The following WASF1 variants were observed in gnomAD, a reference collection of about 807,000 sequenced individuals.
WASF1 encodes WASP family member 1, also known as actin-binding protein WASF1.
A neutral mutation model predicts 50.5 loss-of-function variants in WASF1; 7 were observed. That is an observed-to-expected ratio of 0.14 (90% CI 0.08 to 0.26). The LOEUF is 0.26. Among genes scored for constraint, WASF1 ranks in the 10% least tolerant of loss-of-function variants. The pLI is 1.00. For synonymous variants in WASF1, 205 were observed against 244.0 expected, an observed-to-expected ratio of 0.84 and a Z score of 1.49; for missense variants, 470 against 694.7, an observed-to-expected ratio of 0.68 and a Z score of 3.64.
intron 5 of WASF1, among the ~76,000 whole-genome samples, chr6:110,111,384 A>C (rs1206246522): frequency 6.6e-6 from 1 of 152,166 alleles, no homozygotes; most frequent in Non-Finnish European, 1.5e-5. Context: ...AAGACAACCT[A>C]AAGAAGGGGA....
intron 3 of WASF1, among the ~76,000 whole-genome samples, chr6:110,145,325 G>C (rs1426138846): frequency 3.9e-5 from 6 of 152,192 alleles, no homozygotes; most frequent in Non-Finnish European, 8.8e-5. Flanking sequence ...CTGAGAATTT[G>C]CTGAAGTTGC....
Position 110,100,331 on chromosome 6 carries a change from A to G in WASF1, c.*191T>C. The G allele has an allele frequency of 1.8e-6, 1 of 543,778 alleles. No individual in the cohort carries two copies. Among genetic ancestry groups the G allele is most frequent in the Non-Finnish European group, 3.0e-6 (1 of 328,624 alleles). The allele number at this position is 543,778 out of a possible 1,614,324, so 33.7% of individuals were successfully genotyped here. A position where few individuals can be genotyped will look rare whatever the true frequency, so the allele number is the denominator to read the frequency against. On this transcript the variant is annotated 3_prime_UTR_variant, in exon 11 of 11. Coordinates refer to ENST00000392589, the MANE Select transcript of WASF1 (RefSeq NM_003931.3). ...GTCTTTTCAGGGGGAAAAAAAAGATAAGCCACTGTAAAACATTTAGTTTGA... is the reference window on the plus strand; with the variant it reads ...GTCTTTTCAGGGGGAAAAAAAAGATGAGCCACTGTAAAACATTTAGTTTGA...
chr6:110,149,834 G>A (rs1464174099), intron 3 of WASF1, among the ~76,000 whole-genome samples: 1 of 152,096 alleles, frequency 6.6e-6, no homozygotes, highest in Non-Finnish European at 1.5e-5. Context: ...TACCCAGTAT[G>A]TAGTCTTTTA....
Position 110,100,627 on chromosome 6 carries a change from T to C in WASF1, c.1575A>G (p.Glu525=). The change falls in exon 11 of 11, where the codon GAA becomes GAG. Residue 525 remains glutamate (E), a synonymous_variant. Transcript: ENST00000392589. ...TGGTGGCAACATCGTTTTCAATGCG[T>C]TCATGCTTAGCTTCCTGTTCACGCT... ...EEQREQEAKH[E]RIENDVATIL... is the part of the protein sequence containing the mutation. The C allele has an allele frequency of 6.2e-7, 1 of 1,613,624 alleles. No homozygotes were observed. Among genetic ancestry groups the C allele is most frequent in the Non-Finnish European group, 8.5e-7 (1 of 1,179,826 alleles).
At chr6:110,110,611 C>T (rs1214333633) in intron 5 of WASF1, among the ~76,000 whole-genome samples, 1 of 151,944 alleles carries the variant, frequency 6.6e-6, no homozygotes, top group East Asian at 1.9e-4. Flanking sequence ...CTTCCACTTG[C>T]CAACAATAAC....
intron 3 of WASF1, among the ~76,000 whole-genome samples, chr6:110,153,090 G>A (rs987266892): frequency 2.0e-5 from 3 of 152,070 alleles, no homozygotes; most frequent in Non-Finnish European, 4.4e-5. Context: ...GTAATATTCC[G>A]GTTTTGATTA....
At chr6:110,163,881 C>T (rs534962042) in intron 2 of WASF1, among the ~76,000 whole-genome samples, 4 of 151,532 alleles carry the variant, frequency 2.6e-5, no homozygotes, top group South Asian at 2.1e-4. Context: ...TTCAATGAAA[C>T]TGAATAAAGA....
intron 3 of WASF1, among the ~76,000 whole-genome samples, chr6:110,145,454 C>G (rs1201663030): frequency 6.6e-6 from 1 of 152,160 alleles, no homozygotes; most frequent in African/African-American, 2.4e-5. Flanking sequence ...CCTTTATTCC[C>G]TTCTCCTGCC....
At chr6:110,109,574 CAG>C (rs1268401083) in intron 5 of WASF1, among the ~76,000 whole-genome samples, 3 of 139,940 alleles carry the variant, frequency 2.1e-5, no homozygotes, top group Non-Finnish European at 3.0e-5. Flanking sequence ...TTTTTTGAGA[CAG>C]AGTCTCGCTG....
intron 4 of WASF1, among the ~76,000 whole-genome samples, chr6:110,125,717 G>T (rs1337358058): frequency 6.6e-6 from 1 of 152,070 alleles, no homozygotes; most frequent in Non-Finnish European, 1.5e-5. Flanking sequence ...TTTTCTCTTT[G>T]TTTTTGAATC....
At chr6:110,131,162 C>T (rs892300570) in intron 3 of WASF1, among the ~76,000 whole-genome samples, 2 of 152,186 alleles carry the variant, frequency 1.3e-5, no homozygotes, top group Non-Finnish European at 1.5e-5. Flanking sequence ...AGTTTTTACG[C>T]TCCATGTGGT....
intron 3 of WASF1, among the ~76,000 whole-genome samples, chr6:110,135,748 C>CTTT (rs1774924541): frequency 1.1e-5 from 1 of 94,594 alleles, no homozygotes; most frequent in Non-Finnish European, 2.1e-5. Context: ...TTTTTTTTTA[C>CTTT]CAATTACTGG....
chr6:110,167,844 A>T (rs1349215681), intron 2 of WASF1, among the ~76,000 whole-genome samples: 2 of 152,054 alleles, frequency 1.3e-5, no homozygotes, highest in African/African-American at 4.8e-5. Context: ...TGATTGGTAT[A>T]GTCACTTAAA....
intron 2 of WASF1, among the ~76,000 whole-genome samples, chr6:110,174,227 CCT>C (rs111614483): frequency 0.017 from 2,646 of 152,218 alleles, 74 homozygotes; most frequent in African/African-American, 0.059. Context: ...AGAAGCCTCC[CCT>C]GACTCCCAGT....
chr6:110,109,111 G>A (rs1238346611), intron 5 of WASF1, among the ~76,000 whole-genome samples: 1 of 151,908 alleles, frequency 6.6e-6, no homozygotes, highest in East Asian at 1.9e-4. Flanking sequence ...TGGCACTGTG[G>A]GCTAAACACG....
At chr6:110,130,451 T>C (rs1405833005) in intron 3 of WASF1, among the ~76,000 whole-genome samples, 1 of 152,224 alleles carries the variant, frequency 6.6e-6, no homozygotes, top group Non-Finnish European at 1.5e-5. Flanking sequence ...ATAGTTTTGA[T>C]AGCTTTTTGA....
intron 2 of WASF1, among the ~76,000 whole-genome samples, chr6:110,168,451 G>A (rs930691964): frequency 2.6e-5 from 4 of 152,064 alleles, no homozygotes; most frequent in Non-Finnish European, 5.9e-5. Context: ...TATGAGGCAT[G>A]CAGTTGTGCA....
At chr6:110,175,495 G>T (rs574959522) in intron 2 of WASF1, among the ~76,000 whole-genome samples, 1 of 152,112 alleles carries the variant, frequency 6.6e-6, no homozygotes, top group Non-Finnish European at 1.5e-5. Context: ...TAAGAGGGAC[G>T]TAAGCGGTAA....
At chr6:110,167,676 C>T (rs1449257389) in intron 2 of WASF1, among the ~76,000 whole-genome samples, 1 of 151,956 alleles carries the variant, frequency 6.6e-6, no homozygotes, top group Non-Finnish European at 1.5e-5. Context: ...ACATGTTTCA[C>T]TATAACCCTC....
Sources: gnomAD v4.1 joint callset for allele counts (sites outside exome capture counted in the v4.1 genomes callset) on GRCh38, gnomAD v4.1.1 for gene constraint, MANE v1.5 for transcripts, NCBI Gene and HGNC (gene_info 2026-07-23, HGNC 2026-07-21) for gene names.